Variants in GRAMD1B observed in about 807,000 individuals in gnomAD.
GRAMD1B encodes the protein protein Aster-B.
A neutral mutation model predicts 99.7 loss-of-function variants in GRAMD1B; 37 were observed. The observed-to-expected ratio is 0.37, with a 90% CI of 0.29 to 0.49. GRAMD1B has a LOEUF of 0.49. Ranked by LOEUF, GRAMD1B falls within the 20% of genes least tolerant of loss-of-function variation. The pLI is 0.98. For synonymous variants in GRAMD1B, 427 were observed against 387.6 expected (o/e 1.10, Z -1.19); for missense variants, 888 against 1,009.2 (o/e 0.88, Z 1.63).
At chr11:123,435,542 G>T (rs1274222275) in intron 1 of GRAMD1B, 11 of 677,638 alleles carry the variant, frequency 1.6e-5, no homozygotes, top group Non-Finnish European at 3.0e-5. Context: ...AAATGGTAAA[G>T]ACAGCATGGC....
Position 123,563,954 on chromosome 11 carries a change from CAT to C in GRAMD1B, c.453-13412_453-13411del, listed in dbSNP as rs545685121. 2.1e-3 allele frequency among the ~76,000 whole-genome samples: 313 copies of C among 152,310 alleles called. 1 individual carries two copies. Among genetic ancestry groups the C allele is most frequent in the African/African-American group, 7.0e-3 (292 of 41,566 alleles). ...TCTATTCTAAAATTTCTGACTTTAACATGTGGTCATTCTTCGGTATGCTTCGA... is the reference window on the plus strand; with the variant it reads ...TCTATTCTAAAATTTCTGACTTTAACGTGGTCATTCTTCGGTATGCTTCGA... On this transcript the variant is annotated intron_variant, in intron 2 of 19. Transcript: ENST00000635736.
intron 1 of GRAMD1B, among the ~76,000 whole-genome samples, chr11:123,436,211 G>T (rs1254305310): frequency 6.6e-6 from 1 of 152,064 alleles, no homozygotes; most frequent in Non-Finnish European, 1.5e-5. Context: ...AAAGTGCTGG[G>T]ATTACAGGCA....
At chr11:123,544,424 C>G (rs1026949349) in intron 2 of GRAMD1B, among the ~76,000 whole-genome samples, 1 of 152,228 alleles carries the variant, frequency 6.6e-6, no homozygotes, top group African/African-American at 2.4e-5. Context: ...ACTCTCTACT[C>G]TGTTCTCTTT....
chr11:123,506,154 C>G (rs1480726317), intron 2 of GRAMD1B, among the ~76,000 whole-genome samples: 7 of 152,218 alleles, frequency 4.6e-5, no homozygotes, highest in Non-Finnish European at 1.0e-4. Flanking sequence ...TCACTCAGTA[C>G]TACATGTCCC....
At chr11:123,578,757 G>T (rs747548447) in intron 3 of GRAMD1B, among the ~76,000 whole-genome samples, 3 of 152,164 alleles carry the variant, frequency 2.0e-5, no homozygotes, top group African/African-American at 7.2e-5. Flanking sequence ...CCTGCCTGGC[G>T]TTAGTTTCAT....
At chr11:123,360,158 A>ATC (rs1380091218) in intron 1 of GRAMD1B, among the ~76,000 whole-genome samples, 2 of 152,180 alleles carry the variant, frequency 1.3e-5, no homozygotes, top group African/African-American at 2.4e-5. Context: ...ACACACACCG[A>ATC]TCTCTCTCTC....
At chr11:123,526,281 G>A (rs549338864) in intron 2 of GRAMD1B, 194 of 926,520 alleles carry the variant, frequency 2.1e-4, no homozygotes, top group East Asian at 1.0e-4. Flanking sequence ...ACCAGGCATC[G>A]AGGGGTTAAG....
At chr11:123,533,073 G>A (rs527846554) in intron 2 of GRAMD1B, among the ~76,000 whole-genome samples, 160 of 152,290 alleles carry the variant, frequency 1.1e-3, no homozygotes, top group African/African-American at 3.7e-3. Flanking sequence ...TGGTTCAAGC[G>A]ATTCTCCTGC....
intron 19 of GRAMD1B, chr11:123,619,609 A>G: frequency 1.1e-6 from 1 of 884,978 alleles, no homozygotes; most frequent in Non-Finnish European, 1.5e-6. Context: ...GTTTTTTCAA[A>G]TGTTTACCGC....
chr11:123,513,264 A>T (rs188931125), intron 2 of GRAMD1B, among the ~76,000 whole-genome samples: 1 of 152,348 alleles, frequency 6.6e-6, no homozygotes, highest in Admixed American at 6.5e-5. Context: ...GTCTTATGAC[A>T]ACATTCCCTA....
At chr11:123,617,329 G>A (rs1954566425) in intron 17 of GRAMD1B, among the ~76,000 whole-genome samples, 1 of 151,944 alleles carries the variant, frequency 6.6e-6, no homozygotes, top group South Asian at 2.1e-4. Flanking sequence ...GACCACAGGT[G>A]CATGTCACCA....
intron 1 of GRAMD1B, among the ~76,000 whole-genome samples, chr11:123,469,040 A>C (rs1440842201): frequency 6.6e-6 from 1 of 151,898 alleles, no homozygotes; most frequent in Non-Finnish European, 1.5e-5. Context: ...GTCGACTTGA[A>C]CTCAGGCAGT....
chr11:123,391,630 T>C (rs182096223), intron 1 of GRAMD1B, among the ~76,000 whole-genome samples: 1 of 152,184 alleles, frequency 6.6e-6, no homozygotes, highest in African/African-American at 2.4e-5. Context: ...CTAATTTTTG[T>C]ATTTTAGTAG....
At chr11:123,412,250 G>A (rs1948077455) in intron 1 of GRAMD1B, among the ~76,000 whole-genome samples, 1 of 152,092 alleles carries the variant, frequency 6.6e-6, no homozygotes, top group African/African-American at 2.4e-5. Context: ...TTTGATTGTT[G>A]TCAACTTTTC....
intron 2 of GRAMD1B, among the ~76,000 whole-genome samples, chr11:123,489,309 A>T (rs1374603021): frequency 6.6e-6 from 1 of 152,122 alleles, no homozygotes; most frequent in Non-Finnish European, 1.5e-5. Flanking sequence ...GTGCCAGTGG[A>T]TAGAAACACT....
At chr11:123,487,554 G>A (rs1751209684) in intron 2 of GRAMD1B, among the ~76,000 whole-genome samples, 1 of 152,200 alleles carries the variant, frequency 6.6e-6, no homozygotes, top group African/African-American at 2.4e-5. Context: ...GTGATAAGGA[G>A]TGAGTATTCT....
At position 123,532,495 on chromosome 11, in the gene GRAMD1B, G is replaced by A. The variant is rs1262880936; in HGVS notation, c.453-44872G>A. ...TCATCATACATACCACTACTGCACAGCTGCTCTTATTGGTAGTGTGGGCAC... is the reference window on the plus strand; with the variant it reads ...TCATCATACATACCACTACTGCACAACTGCTCTTATTGGTAGTGTGGGCAC... On this transcript the variant is annotated intron_variant, in intron 2 of 19. Coordinates refer to ENST00000635736, the MANE Select transcript of GRAMD1B (RefSeq NM_001387025.1). Among the ~76,000 whole-genome samples, 3 of 152,202 alleles carry A rather than the reference G, an allele frequency of 2.0e-5. No individual in the cohort carries two copies. The East Asian group carries it at 5.8e-4, about 29-fold the overall frequency.
At chr11:123,394,842 T>C (rs749256692) in intron 1 of GRAMD1B, among the ~76,000 whole-genome samples, 7 of 152,192 alleles carry the variant, frequency 4.6e-5, no homozygotes, top group Non-Finnish European at 5.9e-5. Context: ...GCTTCCAAGA[T>C]GGCAACTTGA....
intron 2 of GRAMD1B, among the ~76,000 whole-genome samples, chr11:123,497,783 C>A (rs574337872): frequency 1.3e-5 from 2 of 151,800 alleles, no homozygotes; most frequent in African/African-American, 4.8e-5. Context: ...TGCCTGTAAT[C>A]CCAGCTACTC....
Sources: allele counts gnomAD v4.1 joint callset (sites outside exome capture counted in the v4.1 genomes callset), GRCh38; gene constraint gnomAD v4.1.1; transcripts MANE v1.5; gene names NCBI Gene and HGNC (gene_info 2026-07-23, HGNC 2026-07-21).